CTNNA2: variants seen among roughly 807,000 people sequenced by gnomAD.
The protein encoded by CTNNA2 is catenin alpha-2.
CTNNA2 carries 42 observed loss-of-function variants against 101.0 expected under a neutral mutation model. That is an observed-to-expected ratio of 0.42 (90% confidence interval 0.32 to 0.54). The LOEUF (loss-of-function observed/expected upper bound fraction) is 0.54. CTNNA2 is among the 20% of genes least tolerant of loss of function. The pLI is 0.14. For synonymous variants in CTNNA2, 450 were observed against 456.4 expected, an observed-to-expected ratio of 0.99 and a Z score of 0.18; for missense variants, 871 against 1,223.1, an observed-to-expected ratio of 0.71 and a Z score of 4.29.
chr2:80,210,362 C>G (rs953066069), intron 7 of CTNNA2, among the ~76,000 whole-genome samples: 1 of 152,128 alleles, frequency 6.6e-6, no homozygotes, highest in Non-Finnish European at 1.5e-5. Flanking sequence ...ATCCTTCCCC[C>G]CTCCCCATAC....
intron 16 of CTNNA2, 125 bp from the exon 17 acceptor site, chr2:80,608,054 AAAGTT>A: frequency 1.3e-6 from 1 of 795,876 alleles, no homozygotes; most frequent in Non-Finnish European, 1.8e-6. Context: ...GCACTGTGAA[AAAGTT>A]AAGTTAAATG....
At chr2:79,815,590 G>C (rs1023965200) in intron 3 of CTNNA2, among the ~76,000 whole-genome samples, 37 of 152,094 alleles carry the variant, frequency 2.4e-4, no homozygotes, top group African/African-American at 8.7e-4. Context: ...GTTTATTTCT[G>C]GGTTCTCTAT....
intron 7 of CTNNA2, among the ~76,000 whole-genome samples, chr2:80,315,996 T>C (rs1349362420): frequency 6.6e-6 from 1 of 152,184 alleles, no homozygotes; most frequent in Admixed American, 6.5e-5. Context: ...CTCCAAGTGA[T>C]TCATAAGCCC....
chr2:79,594,048 C>G (rs529944623), intron 1 of CTNNA2, among the ~76,000 whole-genome samples: 5 of 151,928 alleles, frequency 3.3e-5, no homozygotes, highest in African/African-American at 9.7e-5. Flanking sequence ...ACCACCATGG[C>G]TGGCTAATTT....
chr2:80,352,003 C>T (rs1185281591), intron 7 of CTNNA2, among the ~76,000 whole-genome samples: 2 of 152,102 alleles, frequency 1.3e-5, no homozygotes, highest in Non-Finnish European at 2.9e-5. Flanking sequence ...GAGGGAAGCT[C>T]GTCTAATAGG....
intron 7 of CTNNA2, among the ~76,000 whole-genome samples, chr2:80,195,671 G>A (rs1307116974): frequency 6.7e-6 from 1 of 148,796 alleles, no homozygotes; most frequent in Non-Finnish European, 1.5e-5. Flanking sequence ...AAAATGCAAA[G>A]CAATTCAGAA....
intron 4 of CTNNA2, among the ~76,000 whole-genome samples, chr2:79,396,401 T>A (rs910058315): frequency 6.6e-6 from 1 of 152,086 alleles, no homozygotes; most frequent in Non-Finnish European, 1.5e-5. Flanking sequence ...TCAGGCGATC[T>A]GCCCGCCTCG....
chr2:80,481,923 A>G (rs977962867), intron 9 of CTNNA2, among the ~76,000 whole-genome samples: 1 of 152,118 alleles, frequency 6.6e-6, no homozygotes, highest in Non-Finnish European at 1.5e-5. Context: ...AAACAATTGT[A>G]ATTTCCCAAG....
At chr2:79,452,662 G>T (rs983046637) in intron 4 of CTNNA2, among the ~76,000 whole-genome samples, 3 of 151,848 alleles carry the variant, frequency 2.0e-5, no homozygotes, top group Non-Finnish European at 4.4e-5. Context: ...ATTAATCTTT[G>T]CACCTTCTTT....
At chr2:79,475,539 A>G (rs1158965384) in intron 4 of CTNNA2, among the ~76,000 whole-genome samples, 1 of 152,178 alleles carries the variant, frequency 6.6e-6, no homozygotes, top group Non-Finnish European at 1.5e-5. Context: ...CCATCCAAAG[A>G]GATGAACAAA....
chr2:79,734,784 A>T (rs1670751460), intron 2 of CTNNA2, among the ~76,000 whole-genome samples: 1 of 152,142 alleles, frequency 6.6e-6, no homozygotes, highest in Admixed American at 6.5e-5. Flanking sequence ...AGGAAATCTT[A>T]ATTTATTATG....
chr2:80,078,037 T>G (rs2148795772), intron 7 of CTNNA2, among the ~76,000 whole-genome samples: 1 of 152,208 alleles, frequency 6.6e-6, no homozygotes, highest in South Asian at 2.1e-4. Flanking sequence ...AGATTCCACT[T>G]GTCCTACAGT....
intron 9 of CTNNA2, among the ~76,000 whole-genome samples, chr2:80,543,842 G>T (rs940933588): frequency 1.3e-5 from 2 of 152,154 alleles, no homozygotes; most frequent in Non-Finnish European, 2.9e-5. Context: ...ATACCAAAAA[G>T]GCAGGCGGCC....
At chr2:79,663,271 C>G (rs1040310889) in intron 2 of CTNNA2, among the ~76,000 whole-genome samples, 1 of 152,222 alleles carries the variant, frequency 6.6e-6, no homozygotes, top group African/African-American at 2.4e-5. Flanking sequence ...CCTATACATT[C>G]TCTATTCGGC....
intron 7 of CTNNA2, among the ~76,000 whole-genome samples, chr2:80,276,882 A>G (rs943247926): frequency 2.0e-5 from 3 of 152,122 alleles, no homozygotes; most frequent in East Asian, 1.9e-4. Flanking sequence ...AGAGAGGACA[A>G]ATATCCAAAC....
intron 9 of CTNNA2, among the ~76,000 whole-genome samples, chr2:80,469,901 T>G (rs1442373902): frequency 2.0e-5 from 3 of 152,202 alleles, no homozygotes; most frequent in Non-Finnish European, 4.4e-5. Context: ...TTTCATCATG[T>G]TCTTGCAATG....
intron 2 of CTNNA2, among the ~76,000 whole-genome samples, chr2:79,224,644 G>A (rs1334239276): frequency 2.6e-5 from 4 of 151,884 alleles, no homozygotes; most frequent in Non-Finnish European, 5.9e-5. Flanking sequence ...ATCATTCAAT[G>A]AGTTCACACA....
intron 9 of CTNNA2, among the ~76,000 whole-genome samples, chr2:80,471,061 T>C (rs1022979330): frequency 1.1e-4 from 17 of 152,292 alleles, no homozygotes; most frequent in South Asian, 4.1e-4. Flanking sequence ...ATAAAGGTCC[T>C]TGCAAGCAGC....
At chr2:79,708,612 A>G in intron 2 of CTNNA2, among the ~76,000 whole-genome samples, 1 of 152,306 alleles carries the variant, frequency 6.6e-6, no homozygotes, top group East Asian at 1.9e-4. Flanking sequence ...TACATACTAT[A>G]TTAAATTAAA....
Sources: gnomAD v4.1 joint callset for allele counts (sites outside exome capture counted in the v4.1 genomes callset) on GRCh38, gnomAD v4.1.1 for gene constraint, MANE v1.5 for transcripts, NCBI Gene and HGNC (gene_info 2026-07-23, HGNC 2026-07-21) for gene names.